MYMK: variants seen among roughly 807,000 people sequenced by gnomAD.
The protein encoded by MYMK is protein myomaker.
A neutral mutation model predicts 22.4 loss-of-function variants in MYMK; 16 were observed. The ratio of observed to expected loss-of-function variants is 0.72; its 90% confidence interval spans 0.48 to 1.09. The LOEUF (loss-of-function observed/expected upper bound fraction) is 1.09, where lower values mean the gene tolerates loss of function less well. Among genes scored for constraint, MYMK ranks in the 50% least tolerant of loss-of-function variants. The pLI is 0.00. For synonymous variants in MYMK, 125 were observed against 127.0 expected, an observed-to-expected ratio of 0.98 and a Z score of 0.11; for missense variants, 250 against 295.6, an observed-to-expected ratio of 0.85 and a Z score of 1.13.
At chr9:133,522,924 C>T (rs1844719559) in intron 1 of MYMK, among the ~76,000 whole-genome samples, 4 of 152,218 alleles carry the variant, frequency 2.6e-5, no homozygotes, top group Admixed American at 2.6e-4. Flanking sequence ...TCTTCATCTG[C>T]CAAATGGGAA....
Position 133,518,870 on chromosome 9 carries a change from G to A in MYMK, c.399+4C>T, listed in dbSNP as rs371046561. ...CCGTTCATCGAGGCTCGCGCAGTAC[G>A]CACCCACTTTGCCGCGATGATGAGG... is the stretch of plus-strand genomic sequence containing the variant. On this transcript the variant is annotated splice_donor_region_variant and intron_variant, in intron 3 of 4. Coordinates refer to ENST00000339996, the MANE Select transcript of MYMK (RefSeq NM_001080483.3). 4 of 1,611,028 alleles carry A rather than the reference G, an allele frequency of 2.5e-6. No individual in the cohort carries two copies. The highest frequency in any genetic ancestry group is 2.2e-5 in the East Asian group (1 of 44,824).
chr9:133,517,650 G>T (rs1844646837), intron 3 of MYMK, among the ~76,000 whole-genome samples: 5 of 137,556 alleles, frequency 3.6e-5, no homozygotes, highest in Non-Finnish European at 7.6e-5. Context: ...TGGGTGACAA[G>T]AGCAAAACTC....
rs760950418 is a variant in MYMK at position 133,520,224 on chromosome 9, T to C, written c.200A>G (p.Glu67Gly). 1.5e-5 allele frequency: 25 copies of C among 1,613,948 alleles called. No homozygotes were observed. Among genetic ancestry groups the C allele is most frequent in the Non-Finnish European group, 1.9e-5 (23 of 1,180,018 alleles). The part of the protein sequence containing the change: ...VLCFMRHDIL[E>G]YFSVYGTALS... Reference sequence around the variant, plus strand: ...GGCTGTCCCGTAGACACTGAAATACTCCAGGATGTCGTGACGCATGAAGCA... The same window carrying C: ...GGCTGTCCCGTAGACACTGAAATACCCCAGGATGTCGTGACGCATGAAGCA... The change falls in exon 2 of 5, where the codon GAG becomes GGG. Residue 67 changes from glutamate to glycine, a missense_variant. Transcript: ENST00000339996.
rs1448929544 is a variant in MYMK, at chr9:133,515,455, C to T, written c.516+36G>A. The T allele has an allele frequency of 7.0e-7, 1 of 1,428,224 alleles. No individual in the cohort carries two copies. The highest frequency in any genetic ancestry group is 1.7e-5 in the Admixed American group (1 of 58,958). The allele number at this position is 1,428,224 out of a possible 1,614,324, so 88.5% of individuals were successfully genotyped here. A position where few individuals can be genotyped will look rare whatever the true frequency, so the allele number is the denominator to read the frequency against. ...TGAGCAGAGCCATGCCGAGTGGGCT[C>T]TGGGGCACAGGACACCTCCCCGCTG... On this transcript the variant is annotated intron_variant, in intron 4 of 4. Coordinates refer to ENST00000339996, the MANE Select transcript of MYMK (RefSeq NM_001080483.3). The surrounding 1 kb of genome is among the most constrained non-coding windows in gnomAD (Gnocchi z 5.8).
Position 133,515,870 on chromosome 9 carries a change from G to GCCCT in MYMK, c.400-267_400-264dup, listed in dbSNP as rs996337966. Among the ~76,000 whole-genome samples the GCCCT allele has an allele frequency of 9.9e-5, 15 of 152,266 alleles. No homozygotes were observed. The East Asian group carries it at 2.1e-3, about 22-fold the overall frequency. ...CCATGTGCCCCACAAAGACCCCGCT[G>GCCCT]CCCTCCCGCCTCTTTGAGATGTAAC... On this transcript the variant is annotated intron_variant, in intron 3 of 4. Coordinates refer to ENST00000339996, the MANE Select transcript of MYMK (RefSeq NM_001080483.3). The surrounding 1 kb of genome is among the most constrained non-coding windows in gnomAD (Gnocchi z 5.8).
At chr9:133,519,522 T>C (rs1844672601) in intron 2 of MYMK, among the ~76,000 whole-genome samples, 1 of 152,194 alleles carries the variant, frequency 6.6e-6, no homozygotes, top group African/African-American at 2.4e-5. Context: ...TTTGTGCCAC[T>C]GTACTCTGGC....
intron 1 of MYMK, among the ~76,000 whole-genome samples, chr9:133,524,108 G>C (rs1280943290): frequency 6.6e-6 from 1 of 152,064 alleles, no homozygotes; most frequent in East Asian, 1.9e-4. Context: ...AGAGCAAGCG[G>C]AGACAGTCAG....
rs114052413 is a variant in MYMK at position 133,514,828 on chromosome 9, C to T, written c.517-43G>A. 2.3e-4 allele frequency: 358 copies of T among 1,590,104 alleles called. No homozygotes were observed. In the African/African-American group the frequency reaches 4.4e-3, roughly 20 times the overall value. ...TCAGTCTGGGGCCTCAGCCCCCTCC[C>T]CGAGGCTCCTCCCTCTCCAAGACCC... is the stretch of plus-strand genomic sequence containing the variant. On this transcript the variant is annotated intron_variant, in intron 4 of 4. Transcript: ENST00000339996.
intron 1 of MYMK, 64 bp downstream of exon 1, chr9:133,524,646 A>C (rs956119202): frequency 1.4e-5 from 22 of 1,611,090 alleles, no homozygotes; most frequent in Non-Finnish European, 1.7e-5. Flanking sequence ...CTGTGGACAG[A>C]GAGCCTCTCC....
chr9:133,517,203 C>T (rs1844642495), intron 3 of MYMK, among the ~76,000 whole-genome samples: 1 of 152,202 alleles, frequency 6.6e-6, no homozygotes, highest in Admixed American at 6.5e-5. Flanking sequence ...GGCCAGGACC[C>T]AGGGCCCCAG....
chr9:133,524,694 C>A lies in MYMK; in HGVS notation c.135+16G>T, dbSNP rs200935533. On this transcript the variant is annotated intron_variant, in intron 1 of 4. Coordinates refer to ENST00000339996, the MANE Select transcript of MYMK (RefSeq NM_001080483.3). The stretch of plus-strand genomic sequence containing the variant: ...ATGGGGCCTGTGTGGGACTTCCTCC[C>A]AGCCCCCAGACTCACCGCCACGAAG... 3.8e-4 allele frequency: 606 copies of A among 1,614,000 alleles called. 1 individual carries two copies. The highest frequency in any genetic ancestry group is 4.9e-4 in the Non-Finnish European group (573 of 1,180,028).
intron 3 of MYMK, among the ~76,000 whole-genome samples, chr9:133,517,526 C>T (rs1040806999): frequency 1.2e-4 from 19 of 152,124 alleles, no homozygotes; most frequent in Non-Finnish European, 1.8e-4. Flanking sequence ...ATTACCTGGG[C>T]GTGATGGCAT....
At chr9:133,520,532 G>T (rs1844691039) in intron 1 of MYMK, among the ~76,000 whole-genome samples, 1 of 152,338 alleles carries the variant, frequency 6.6e-6, no homozygotes, top group Admixed American at 6.5e-5. Context: ...GTGTGCCAAG[G>T]GTTCACTCAA....
intron 2 of MYMK, 58 bp from the exon 3 acceptor site, chr9:133,519,080 T>TA: frequency 6.2e-7 from 1 of 1,603,614 alleles, no homozygotes; most frequent in Non-Finnish European, 8.5e-7. Flanking sequence ...TCCTCCTGGC[T>TA]ACCCCCCCAC....
rs1844620086 is a variant in MYMK at position 133,515,464 on chromosome 9, A to C, written c.516+27T>G. ...CCATGCCGAGTGGGCTCTGGGGCAC[A>C]GGACACCTCCCCGCTGGGCTTGGTA... On this transcript the variant is annotated intron_variant, in intron 4 of 4. Coordinates refer to ENST00000339996, the MANE Select transcript of MYMK (RefSeq NM_001080483.3). The surrounding 1 kb of genome is among the most constrained non-coding windows in gnomAD (Gnocchi z 5.8). 3 of 1,497,072 alleles carry C rather than the reference A, an allele frequency of 2.0e-6. No individual in the cohort carries two copies. Among genetic ancestry groups the C allele is most frequent in the African/African-American group, 1.4e-5 (1 of 72,702 alleles). The allele number at this position is 1,497,072 out of a possible 1,614,324, so 92.7% of individuals were successfully genotyped here. A position where few individuals can be genotyped will look rare whatever the true frequency, so the allele number is the denominator to read the frequency against.
Position 133,524,343 on chromosome 9 carries a change from G to T in MYMK, c.135+367C>A, listed in dbSNP as rs528164383. On this transcript the variant is annotated intron_variant, in intron 1 of 4. Coordinates refer to ENST00000339996, the MANE Select transcript of MYMK (RefSeq NM_001080483.3). ...CCATCGTGGCCTATGGGTAGAGCTC[G>T]AAGAGAGGTGGGGAGGGGAGGTGGC... Among the ~76,000 whole-genome samples, 3 of 152,284 alleles carry T rather than the reference G, an allele frequency of 2.0e-5. No homozygotes were observed. The East Asian group carries it at 5.8e-4, about 29-fold the overall frequency.
chr9:133,519,474 G>A (rs1336667423), intron 2 of MYMK, among the ~76,000 whole-genome samples: 1 of 152,138 alleles, frequency 6.6e-6, no homozygotes, highest in African/African-American at 2.4e-5. Context: ...GTGGGAGGAT[G>A]GCTTGAGGCT....
chr9:133,516,821 G>A (rs777455856), intron 3 of MYMK, among the ~76,000 whole-genome samples: 18 of 151,842 alleles, frequency 1.2e-4, no homozygotes, highest in Non-Finnish European at 2.2e-4. Flanking sequence ...TTGAAAGGGC[G>A]CCATCACCCA....
intron 1 of MYMK, among the ~76,000 whole-genome samples, chr9:133,524,055 A>G (rs1346846329): frequency 2.0e-5 from 3 of 151,854 alleles, no homozygotes; most frequent in Admixed American, 6.6e-5. Flanking sequence ...AGATCACCCA[A>G]TGACAGGTAC....
Sources: allele counts gnomAD v4.1 joint callset (sites outside exome capture counted in the v4.1 genomes callset), GRCh38; gene constraint gnomAD v4.1.1; non-coding constraint Gnocchi (gnomAD v3.1); transcripts MANE v1.5; gene names NCBI Gene and HGNC (gene_info 2026-07-23, HGNC 2026-07-21).